Variants in WDR27 observed in about 807,000 individuals in gnomAD.
WDR27 encodes the protein WD repeat-containing protein 27.
Under a neutral mutation model 114.4 loss-of-function variants are expected in WDR27, and 100 were observed. That is an observed-to-expected ratio of 0.87 (90% CI 0.74 to 1.03). WDR27 has a LOEUF of 1.03. WDR27 is among the 50% of genes least tolerant of loss of function. The pLI is 0.00. For synonymous variants in WDR27, 449 were observed against 423.1 expected, an observed-to-expected ratio of 1.06 and a Z score of -0.75; for missense variants, 1,129 against 1,092.9, an observed-to-expected ratio of 1.03 and a Z score of -0.47.
At chr6:169,518,817 T>TATG (rs1177337842) in intron 25 of WDR27, among the ~76,000 whole-genome samples, 1 of 152,258 alleles carries the variant, frequency 6.6e-6, no homozygotes, top group African/African-American at 2.4e-5. Flanking sequence ...TCCAAACTTA[T>TATG]ATGCTCTGTT....
At chr6:169,557,698 G>T (rs1310146618) in intron 25 of WDR27, among the ~76,000 whole-genome samples, 15 of 152,170 alleles carry the variant, frequency 9.9e-5, no homozygotes. Context: ...TCAGGAGGCT[G>T]GGGTGGGAAG....
chr6:169,463,477 A>G (rs1785165471), intron 25 of WDR27, among the ~76,000 whole-genome samples: 1 of 152,262 alleles, frequency 6.6e-6, no homozygotes, highest in Admixed American at 6.5e-5. Flanking sequence ...CTTTAAGATC[A>G]GGCACAAGGC....
chr6:169,561,143 C>G (rs1440988968), intron 25 of WDR27, among the ~76,000 whole-genome samples: 1 of 152,052 alleles, frequency 6.6e-6, no homozygotes, highest in East Asian at 1.9e-4. Flanking sequence ...GCTGGAGGTC[C>G]AGGATGAAGG....
intron 25 of WDR27, among the ~76,000 whole-genome samples, chr6:169,542,382 T>G (rs1162579208): frequency 6.6e-6 from 1 of 152,082 alleles, no homozygotes; most frequent in Non-Finnish European, 1.5e-5. Flanking sequence ...GTGGCATTCC[T>G]GACCAAAAAA....
At chr6:169,521,466 C>T (rs994067991) in intron 25 of WDR27, among the ~76,000 whole-genome samples, 1 of 152,044 alleles carries the variant, frequency 6.6e-6, no homozygotes, top group Admixed American at 6.6e-5. Flanking sequence ...AGGTATTAAA[C>T]CCACTGATAC....
At position 169,674,491 on chromosome 6, in the gene WDR27, T is replaced by C. The variant is rs983759610; in HGVS notation, c.190-2095A>G. 3.9e-5 allele frequency among the ~76,000 whole-genome samples: 6 copies of C among 151,986 alleles called. No individual in the cohort carries two copies. In the East Asian group the frequency reaches 5.8e-4, roughly 15 times the overall value. On this transcript the variant is annotated intron_variant, in intron 2 of 25. Transcript: ENST00000448612. Reference sequence around the variant, plus strand: ...ATATTAGATGTTGCTGAGGAAAAGATTGGTAAATTTAAAGACAAAGCAATA... The same window carrying C: ...ATATTAGATGTTGCTGAGGAAAAGACTGGTAAATTTAAAGACAAAGCAATA...
intron 24 of WDR27, among the ~76,000 whole-genome samples, chr6:169,573,764 G>A (rs139868341): frequency 4.5e-4 from 69 of 152,222 alleles, no homozygotes; most frequent in East Asian, 4.1e-3. Context: ...TAACCTGCAC[G>A]CTTCCTGTTC....
chr6:169,636,609 T>C, intron 18 of WDR27, 105 bp from the exon 19 acceptor site: 2 of 1,183,272 alleles, frequency 1.7e-6, no homozygotes, highest in Non-Finnish European at 1.2e-6. Flanking sequence ...ATCTATTTGT[T>C]CTAAATGTGT....
chr6:169,508,767 A>C (rs938173700), intron 25 of WDR27, among the ~76,000 whole-genome samples: 1 of 152,254 alleles, frequency 6.6e-6, no homozygotes, highest in Non-Finnish European at 1.5e-5. Flanking sequence ...ACTTATAATT[A>C]TGTATTATAT....
intron 25 of WDR27, among the ~76,000 whole-genome samples, chr6:169,481,240 C>T (rs188253263): frequency 3.7e-4 from 57 of 152,240 alleles, no homozygotes; most frequent in Non-Finnish European, 5.0e-4. Flanking sequence ...ATGCACCAAT[C>T]AGCACTCTGT....
At chr6:169,509,689 C>T (rs1471603767) in intron 25 of WDR27, among the ~76,000 whole-genome samples, 1 of 151,846 alleles carries the variant, frequency 6.6e-6, no homozygotes. Flanking sequence ...AGAAGAAAAC[C>T]TAGGCAATAC....
chr6:169,450,090 G>T, the WDR27 span, among the ~76,000 whole-genome samples: 24 of 152,228 alleles, frequency 1.6e-4, no homozygotes, highest in African/African-American at 5.8e-4. Context: ...TAGAGATATG[G>T]CCTCTGACCC....
intron 1 of WDR27, among the ~76,000 whole-genome samples, chr6:169,698,315 ACCTCTCCTG>A (rs1214711114): frequency 1.3e-5 from 2 of 151,346 alleles, no homozygotes; most frequent in Non-Finnish European, 2.9e-5. Context: ...TTTAATGCCT[ACCTCTCCTG>A]CCTCTCCTGC....
chr6:169,689,261 T>G, intron 1 of WDR27: 1 of 337,078 alleles, frequency 3.0e-6, no homozygotes, highest in Non-Finnish European at 5.4e-6. Flanking sequence ...AATACCACTA[T>G]TCCCACTTCA....
In WDR27 at chr6:169,679,967, A is replaced by G. The variant is rs148343208; in HGVS notation, c.190-7571T>C. Among the ~76,000 whole-genome samples the G allele has an allele frequency of 9.6e-3, 1,462 of 152,360 alleles. 8 individuals are homozygous for G. The highest frequency in any genetic ancestry group is 0.014 in the Non-Finnish European group (974 of 68,034). On this transcript the variant is annotated intron_variant, in intron 2 of 25. Transcript: ENST00000448612. ...ATACATGAGAACAAAGATAAAGATA[A>G]TAACAGAATTCTCATTGAAATGATA...
At chr6:169,482,772 T>A (rs1788362093) in intron 25 of WDR27, among the ~76,000 whole-genome samples, 1 of 152,114 alleles carries the variant, frequency 6.6e-6, no homozygotes, top group South Asian at 2.1e-4. Flanking sequence ...CTGAAATCAA[T>A]CACACAATCA....
chr6:169,480,705 A>T (rs1370300513), intron 25 of WDR27, among the ~76,000 whole-genome samples: 1 of 151,088 alleles, frequency 6.6e-6, no homozygotes. Context: ...GTCTAACTCA[A>T]GGTTTGTAAA....
chr6:169,514,460 AT>A lies in WDR27; in HGVS notation c.2646-56827del, dbSNP rs202218608. 1.8e-3 allele frequency among the ~76,000 whole-genome samples: 268 copies of A among 148,598 alleles called. 4 individuals are homozygous for A. In the East Asian group the frequency reaches 0.029, roughly 16 times the overall value. ...AAACTATTGTTAATATACCAAAAAA[AT>A]GTGTATATACACATACAAATATATA... On this transcript the variant is annotated intron_variant, in intron 25 of 25. Transcript: ENST00000448612.
At chr6:169,585,916 T>A (rs1262985953) in intron 23 of WDR27, among the ~76,000 whole-genome samples, 2 of 152,180 alleles carry the variant, frequency 1.3e-5, no homozygotes, top group Admixed American at 1.3e-4. Context: ...ATTTTTGCTT[T>A]TTCATTTCTC....
Sources: gnomAD v4.1 joint callset for allele counts (sites outside exome capture counted in the v4.1 genomes callset) on GRCh38, gnomAD v4.1.1 for gene constraint, MANE v1.5 for transcripts, NCBI Gene and HGNC (gene_info 2026-07-23, HGNC 2026-07-21) for gene names.